The following ATP6V1A variants were observed in gnomAD, a reference collection of about 807,000 sequenced individuals.
ATP6V1A encodes the protein V-type proton ATPase catalytic subunit A.
ATP6V1A carries 18 observed loss-of-function variants against 70.1 expected under a neutral mutation model. That is an observed-to-expected ratio of 0.26 (90% CI 0.18 to 0.38). The LOEUF (loss-of-function observed/expected upper bound fraction) is 0.38. Ranked by LOEUF, ATP6V1A falls within the 10% of genes least tolerant of loss-of-function variation. ATP6V1A has a pLI of 1.00. For synonymous variants in ATP6V1A, 232 were observed against 253.8 expected (o/e 0.91, Z 0.82); for missense variants, 424 against 772.4 (o/e 0.55, Z 5.35).
At chr3:113,786,420 G>C in intron 6 of ATP6V1A, 37 bp downstream of exon 6, 1 of 1,601,800 alleles carries the variant, frequency 6.2e-7, no homozygotes, top group South Asian at 1.1e-5. Context: ...TTCCCTCAGA[G>C]TTATTATATG....
chr3:113,756,087 A>G (rs1215163327), intron 1 of ATP6V1A, among the ~76,000 whole-genome samples: 1 of 152,124 alleles, frequency 6.6e-6, no homozygotes, highest in Non-Finnish European at 1.5e-5. Flanking sequence ...GATAGGCACT[A>G]TTTTTCTATA....
At chr3:113,800,846 G>A (rs924570778) in intron 12 of ATP6V1A, among the ~76,000 whole-genome samples, 1 of 152,086 alleles carries the variant, frequency 6.6e-6, no homozygotes, top group Non-Finnish European at 1.5e-5. Flanking sequence ...GGGAGAGGAA[G>A]TTTGTGACAT....
At chr3:113,783,454 C>A (rs1423158174) in intron 3 of ATP6V1A, among the ~76,000 whole-genome samples, 1 of 152,036 alleles carries the variant, frequency 6.6e-6, no homozygotes, top group East Asian at 1.9e-4. Context: ...TAACTTTATT[C>A]TTAAGATTTT....
intron 1 of ATP6V1A, among the ~76,000 whole-genome samples, chr3:113,765,602 T>G (rs1209305538): frequency 6.8e-6 from 1 of 146,968 alleles, no homozygotes; most frequent in Non-Finnish European, 1.5e-5. Flanking sequence ...CAAAACTCCA[T>G]CTCAAAAAAC....
At chr3:113,763,930 T>G (rs1708736750) in intron 1 of ATP6V1A, among the ~76,000 whole-genome samples, 1 of 152,144 alleles carries the variant, frequency 6.6e-6, no homozygotes, top group South Asian at 2.1e-4. Flanking sequence ...TGACTTTACC[T>G]AGTCAGTAAG....
At chr3:113,773,693 A>G (rs966920168) in intron 1 of ATP6V1A, among the ~76,000 whole-genome samples, 2 of 152,192 alleles carry the variant, frequency 1.3e-5, no homozygotes, top group African/African-American at 4.8e-5. Flanking sequence ...CCTGAACCAC[A>G]GGTTTCAACC....
At chr3:113,764,418 AT>A (rs1299827534) in intron 1 of ATP6V1A, among the ~76,000 whole-genome samples, 1 of 152,206 alleles carries the variant, frequency 6.6e-6, no homozygotes, top group Non-Finnish European at 1.5e-5. Context: ...AAGTAAAATA[AT>A]TTTATGCTAG....
intron 8 of ATP6V1A, among the ~76,000 whole-genome samples, chr3:113,791,163 A>AC (rs1244041900): frequency 3.9e-5 from 6 of 152,086 alleles, no homozygotes; most frequent in African/African-American, 1.4e-4. Context: ...AAATATACCA[A>AC]CTAGACATGT....
chr3:113,761,335 T>A (rs1268379418), intron 1 of ATP6V1A, among the ~76,000 whole-genome samples: 1 of 152,126 alleles, frequency 6.6e-6, no homozygotes, highest in Non-Finnish European at 1.5e-5. Flanking sequence ...CTCAAATGCC[T>A]ACATTTCTTA....
intron 1 of ATP6V1A, among the ~76,000 whole-genome samples, chr3:113,764,010 C>T (rs888300776): frequency 2.6e-5 from 4 of 151,928 alleles, no homozygotes; most frequent in African/African-American, 4.8e-5. Context: ...GAGGCCGAAG[C>T]GGGAGGATCA....
intron 8 of ATP6V1A, 128 bp from the exon 9 acceptor site, chr3:113,794,744 C>G: frequency 9.5e-7 from 1 of 1,048,968 alleles, no homozygotes; most frequent in Non-Finnish European, 1.3e-6. Flanking sequence ...AGAGGAAGAG[C>G]AGCTTTGAGG....
At chr3:113,762,995 C>T (rs985040100) in intron 1 of ATP6V1A, among the ~76,000 whole-genome samples, 8 of 152,072 alleles carry the variant, frequency 5.3e-5, no homozygotes, top group South Asian at 4.1e-4. Context: ...CCCATGTTTC[C>T]TAGAAAATAA....
At chr3:113,762,795 C>A (rs183123769) in intron 1 of ATP6V1A, among the ~76,000 whole-genome samples, 15 of 152,104 alleles carry the variant, frequency 9.9e-5, no homozygotes, top group African/African-American at 3.6e-4. Flanking sequence ...TGTAGGATTT[C>A]AGATAAATTA....
chr3:113,784,576 A>T, intron 4 of ATP6V1A, 120 bp from the exon 5 acceptor site: 1 of 1,421,650 alleles, frequency 7.0e-7, no homozygotes, highest in Non-Finnish European at 9.5e-7. Flanking sequence ...ACTCTACTTC[A>T]TGGGATTTTA....
At chr3:113,809,267 AG>A in intron 14 of ATP6V1A, 67 bp from the exon 15 acceptor site, 1 of 1,401,382 alleles carries the variant, frequency 7.1e-7, no homozygotes. Context: ...AAAAAAAAAA[AG>A]TAACTTAACA....
chr3:113,753,600 G>A (rs1318744608), intron 1 of ATP6V1A, among the ~76,000 whole-genome samples: 1 of 152,128 alleles, frequency 6.6e-6, no homozygotes, highest in Non-Finnish European at 1.5e-5. Flanking sequence ...GCATTTTATG[G>A]AATGTTGTGA....
Position 113,796,016 on chromosome 3 carries a change from A to G in ATP6V1A, c.1290+77A>G, listed in dbSNP as rs1045013593. The G allele has an allele frequency of 6.4e-6, 8 of 1,248,988 alleles. No individual in the cohort carries two copies. The African/African-American group carries it at 1.1e-4, about 17-fold the overall frequency. 77.4% of individuals were successfully genotyped at this position (1,248,988 alleles called of 1,614,324 possible). ...GCCCCTGCTGTTCTAATGCGATCTA[A>G]TGTAATCGTTGTGAAGTATTTAATT... On this transcript the variant is annotated intron_variant, in intron 11 of 14. Transcript: ENST00000273398.
chr3:113,752,149 A>G (rs1708594331), intron 1 of ATP6V1A, among the ~76,000 whole-genome samples: 1 of 151,940 alleles, frequency 6.6e-6, no homozygotes, highest in Non-Finnish European at 1.5e-5. Context: ...TTTCTGAAAA[A>G]TAATTAAGCT....
chr3:113,765,026 CT>C (rs1310643287), intron 1 of ATP6V1A, among the ~76,000 whole-genome samples: 1 of 145,164 alleles, frequency 6.9e-6, no homozygotes, highest in Non-Finnish European at 1.5e-5. Flanking sequence ...GCAGGAATTT[CT>C]TACCCAAATT....
Sources: gnomAD v4.1 joint callset for allele counts (sites outside exome capture counted in the v4.1 genomes callset) on GRCh38, gnomAD v4.1.1 for gene constraint, MANE v1.5 for transcripts, NCBI Gene and HGNC (gene_info 2026-07-23, HGNC 2026-07-21) for gene names.